KATNAL2: variants seen among roughly 807,000 people sequenced by gnomAD.
KATNAL2 encodes katanin p60 ATPase-containing subunit A-like 2.
In KATNAL2, 52 loss-of-function variants were observed where a neutral mutation model predicts 76.3. That is an observed-to-expected ratio of 0.68 (90% CI 0.55 to 0.86). The LOEUF is 0.86. Ranked by LOEUF, KATNAL2 falls within the 40% of genes least tolerant of loss-of-function variation. KATNAL2 has a pLI of 0.00. For synonymous variants in KATNAL2, 243 were observed against 244.2 expected (o/e 1.00, Z 0.05); for missense variants, 660 against 668.9 (o/e 0.99, Z 0.15).
At chr18:46,959,180 T>TA (rs1338330286) in intron 3 of KATNAL2, among the ~76,000 whole-genome samples, 1 of 152,246 alleles carries the variant, frequency 6.6e-6, no homozygotes, top group Non-Finnish European at 1.5e-5. Context: ...CCAATAGCTA[T>TA]AAAAAATGTG....
intron 3 of KATNAL2, among the ~76,000 whole-genome samples, chr18:46,948,919 T>TGTGTGTGTGTG (rs2059466582): frequency 6.6e-6 from 1 of 151,426 alleles, no homozygotes; most frequent in African/African-American, 2.4e-5. Flanking sequence ...TGTGTGTGTG[T>TGTGTGTGTGTG]TTGAGACAGG....
intron 15 of KATNAL2, chr18:47,098,181 C>T: frequency 5.7e-6 from 2 of 347,836 alleles, no homozygotes; most frequent in South Asian, 2.4e-5. Flanking sequence ...AGCTTGAAAG[C>T]CATTGCACTC....
At position 47,099,295 on chromosome 18, in the gene KATNAL2, C is replaced by G; in HGVS notation, c.1264C>G (p.Leu422Val). The G allele has an allele frequency of 6.2e-7, 1 of 1,614,162 alleles. No homozygotes were observed. Among genetic ancestry groups the G allele is most frequent in the Non-Finnish European group, 8.5e-7 (1 of 1,179,988 alleles). ...RRLEKRILVD[L>V]PSREARQAMI... The stretch of plus-strand genomic sequence containing the variant: ...CCTGGAGAAGAGGATTCTGGTCGAT[C>G]TCCCCAGCCGGGAGGCCAGGCAGGC... The change falls in exon 16 of 18, where the codon CTC becomes GTC. Residue 422 changes from leucine to valine, a missense_variant. Coordinates refer to ENST00000683218, the MANE Select transcript of KATNAL2 (RefSeq NM_001387690.1).
chr18:46,948,360 C>G (rs9967390), intron 3 of KATNAL2, among the ~76,000 whole-genome samples: 2,184 of 151,772 alleles, frequency 0.014, 49 homozygotes, highest in African/African-American at 0.049. Flanking sequence ...AATCTTCCCC[C>G]CTCAGCCTCC....
At chr18:47,067,301 T>C (rs1024794935) in intron 11 of KATNAL2, among the ~76,000 whole-genome samples, 182 bp downstream of exon 11, 5 of 152,172 alleles carry the variant, frequency 3.3e-5, no homozygotes, top group Non-Finnish European at 5.9e-5. Flanking sequence ...CTAGATCATT[T>C]AAAATCATAT....
intron 1 of KATNAL2, among the ~76,000 whole-genome samples, chr18:46,943,895 TA>T (rs1361310938): frequency 6.6e-6 from 1 of 152,254 alleles, no homozygotes; most frequent in African/African-American, 2.4e-5. Context: ...CTTCCTGTAC[TA>T]AAGTCCAAAA....
chr18:47,069,571 T>C lies in KATNAL2; in HGVS notation c.979T>C (p.Trp327Arg). 6.2e-7 allele frequency: 1 copy of C among 1,613,334 alleles called. No homozygotes were observed. The highest frequency in any genetic ancestry group is 8.5e-7 in the Non-Finnish European group (1 of 1,179,640). The stretch of plus-strand genomic sequence containing the variant: ...TTCTGCATCCACCATTGTCAGCAAA[T>C]GGAGAGGGGATTCAGAAAAACTCGT... ...NISASTIVSK[W>R]RGDSEKLVRV... The change falls in exon 13 of 18, where the codon TGG becomes CGG. Residue 327 changes from tryptophan to arginine, a missense_variant. Physicochemically the swap from Trp to Arg is moderately radical, Grantham distance 101. Transcript: ENST00000683218.
chr18:47,100,409 C>CTGCTGGTGAGAGGGATTTT, intron 17 of KATNAL2, 53 bp downstream of exon 17: 1 of 1,460,842 alleles, frequency 6.8e-7, no homozygotes, highest in Non-Finnish European at 9.6e-7. Context: ...AAAAATCCCT[C>CTGCTGGTGAGAGGGATTTT]TCACCAGCAG....
chr18:46,947,891 G>A (rs72917202), intron 3 of KATNAL2, among the ~76,000 whole-genome samples: 1,572 of 152,160 alleles, frequency 0.01, 14 homozygotes, highest in Non-Finnish European at 0.017. Flanking sequence ...CCTCACCTCC[G>A]GATTGTACTT....
At position 47,060,231 on chromosome 18, in the gene KATNAL2, A is replaced by G. The variant is rs143288191; in HGVS notation, c.549+577A>G. Among the ~76,000 whole-genome samples the G allele has an allele frequency of 5.9e-3, 895 of 152,180 alleles. 10 individuals are homozygous for G. Among genetic ancestry groups the G allele is most frequent in the African/African-American group, 0.021 (854 of 41,518 alleles). On this transcript the variant is annotated intron_variant, in intron 8 of 17. Coordinates refer to ENST00000683218, the MANE Select transcript of KATNAL2 (RefSeq NM_001387690.1). Reference sequence around the variant, plus strand: ...AGGCTGGTTTCAAACTTCTAGCCTCAAGCAATCCTCCTGTCTGGGCTTCCC... The same window carrying G: ...AGGCTGGTTTCAAACTTCTAGCCTCGAGCAATCCTCCTGTCTGGGCTTCCC...
At chr18:46,934,350 C>A (rs529551957) in intron 1 of KATNAL2, among the ~76,000 whole-genome samples, 1 of 152,130 alleles carries the variant, frequency 6.6e-6, no homozygotes, top group Admixed American at 6.5e-5. Flanking sequence ...CTAACTGGTG[C>A]GAGATGGTAT....
At chr18:47,077,973 A>G (rs1171043318) in intron 15 of KATNAL2, among the ~76,000 whole-genome samples, 1 of 152,232 alleles carries the variant, frequency 6.6e-6, no homozygotes, top group Non-Finnish European at 1.5e-5. Context: ...GAACAATTCT[A>G]GATGTGGAAT....
chr18:47,050,666 G>C (rs979872849), intron 4 of KATNAL2, among the ~76,000 whole-genome samples: 50 of 152,310 alleles, frequency 3.3e-4, no homozygotes, highest in African/African-American at 1.2e-3. Flanking sequence ...TGAGTGGACT[G>C]TCAAAACGAA....
chr18:46,958,263 A>T (rs1174663707), intron 3 of KATNAL2, among the ~76,000 whole-genome samples: 1 of 152,050 alleles, frequency 6.6e-6, no homozygotes, highest in Non-Finnish European at 1.5e-5. Flanking sequence ...AAACTATATC[A>T]TTGGCTCTTC....
At chr18:46,922,074 A>G (rs567313659) in intron 1 of KATNAL2, among the ~76,000 whole-genome samples, 7 of 151,892 alleles carry the variant, frequency 4.6e-5, no homozygotes, top group Admixed American at 1.3e-4. Context: ...GAAACTGAAC[A>G]AGGAATTAAA....
intron 3 of KATNAL2, chr18:47,032,600 G>T: frequency 3.9e-6 from 1 of 259,168 alleles, no homozygotes; most frequent in Non-Finnish European, 7.4e-6. Flanking sequence ...TGTATTCGGA[G>T]TTATCAGTGT....
chr18:47,033,829 T>C lies in KATNAL2; in HGVS notation c.52-12628T>C, dbSNP rs770483622. On this transcript the variant is annotated intron_variant, in intron 3 of 17. Coordinates refer to ENST00000683218, the MANE Select transcript of KATNAL2 (RefSeq NM_001387690.1). ...TGCCTGGGAGGTCATGGAGTCAGAA[T>C]CCGAAAGCGGATCGTAGTTGGCCTG... is the stretch of plus-strand genomic sequence containing the variant. The C allele has an allele frequency of 6.8e-6, 11 of 1,613,974 alleles. No individual in the cohort carries two copies. In the East Asian group the frequency reaches 2.5e-4, roughly 36 times the overall value.
chr18:47,069,392 C>T (rs770986872), intron 12 of KATNAL2, 90 bp from the exon 13 acceptor site: 26 of 1,364,662 alleles, frequency 1.9e-5, no homozygotes, highest in Non-Finnish European at 2.7e-5. Context: ...TGAGCAGTCA[C>T]TTCCTTCCTT....
intron 15 of KATNAL2, among the ~76,000 whole-genome samples, chr18:47,092,233 T>A (rs2058360659): frequency 6.6e-6 from 1 of 152,196 alleles, no homozygotes. Flanking sequence ...GTGCAGTGGA[T>A]CACGCCTGTA....
Sources: allele counts gnomAD v4.1 joint callset (sites outside exome capture counted in the v4.1 genomes callset), GRCh38; gene constraint gnomAD v4.1.1; transcripts MANE v1.5; gene names NCBI Gene and HGNC (gene_info 2026-07-23, HGNC 2026-07-21).